The following PRRT4 variants were observed in gnomAD, a reference collection of about 807,000 sequenced individuals.
The protein encoded by PRRT4 is proline rich transmembrane protein 4.
Under a neutral mutation model 55.6 loss-of-function variants are expected in PRRT4, and 59 were observed. The ratio of observed to expected loss-of-function variants is 1.06; its 90% CI spans 0.86 to 1.32. PRRT4 has a LOEUF of 1.32. Among genes scored for constraint, PRRT4 ranks in the 40% most tolerant of loss-of-function variants. The pLI, the probability that PRRT4 is intolerant of heterozygous loss-of-function variation, is 0.00. For missense variants in PRRT4, 1,217 were observed against 1,222.0 expected, an observed-to-expected ratio of 1.00 and a Z score of 0.06; for synonymous variants, 606 against 601.8, an observed-to-expected ratio of 1.01 and a Z score of -0.10.
At chr7:128,352,319 G>T in exon 5 of PRRT4, 1 of 1,542,132 alleles carries the variant, frequency 6.5e-7, no homozygotes. Flanking sequence ...GGGAAGGCCC[G>T]CGTGGTCCCG....
Position 128,351,872 on chromosome 7 carries a change from G to A in PRRT4, c.1684C>T (p.Pro562Ser), listed in dbSNP as rs558279481. 1.4e-5 allele frequency: 18 copies of A among 1,333,314 alleles called. 1 individual carries two copies. In the South Asian group the frequency reaches 3.3e-4, roughly 24 times the overall value. The allele number at this position is 1,333,314 out of a possible 1,614,324, so 82.6% of individuals were successfully genotyped here. Residue 562 changes from proline (P) to serine (S), a missense_variant, in exon 5 of 5, where the codon CCG becomes TCG. Transcript: ENST00000535159. Reference sequence around the variant, plus strand: ...AGCAGCCCGAAGGTGCCCGCCACCGGGGCCGTGCGCGCCGCGCGCCGCCAG... The same window carrying A: ...AGCAGCCCGAAGGTGCCCGCCACCGAGGCCGTGCGCGCCGCGCGCCGCCAG...
exon 2 of PRRT4, chr7:128,359,490 C>A: frequency 6.8e-7 from 1 of 1,464,042 alleles, no homozygotes. Flanking sequence ...GGCCTGGGAG[C>A]ACTGGATGGA....
intron 4 of PRRT4, among the ~76,000 whole-genome samples, chr7:128,354,551 G>A (rs1584682756): frequency 1.4e-5 from 2 of 145,418 alleles, no homozygotes; most frequent in African/African-American, 5.1e-5. Flanking sequence ...GTGACAGAGC[G>A]AGACTCTGGC....
intron 1 of PRRT4, 91 bp from the exon 3 acceptor site, chr7:128,360,154 C>A: frequency 2.0e-6 from 1 of 504,070 alleles, no homozygotes. Flanking sequence ...CTTCTGATCT[C>A]AGAGAAGCAG....
Position 128,351,432 on chromosome 7 carries a change from C to T in PRRT4, c.2124G>A (p.Pro708=), listed in dbSNP as rs1160142234. 7.9e-6 allele frequency: 12 copies of T among 1,525,944 alleles called. No individual in the cohort carries two copies. The Admixed American group carries it at 2.0e-4, about 26-fold the overall frequency. 94.5% of individuals were successfully genotyped at this position (1,525,944 alleles called of 1,614,324 possible). Residue 708 remains proline, a synonymous_variant, in exon 5 of 5, where the codon CCG becomes CCA. Transcript: ENST00000535159. ...TGTAATCGCTGCAGGGAGAGGAAGC[C>T]GGGGACGGGGCCGGGTTGGCCGCCG...
At chr7:128,350,920 T>G in exon 5 of PRRT4, 2 of 1,550,844 alleles carry the variant, frequency 1.3e-6, no homozygotes, top group South Asian at 1.2e-5. Flanking sequence ...GTCCAGGAAC[T>G]GCTCCTGCAG....
exon 2 of PRRT4, chr7:128,359,676 A>C: frequency 6.4e-7 from 1 of 1,551,266 alleles, no homozygotes; most frequent in Non-Finnish European, 8.7e-7. Flanking sequence ...GAGTTCCCTG[A>C]GGAGCCCACC....
exon 2 of PRRT4, chr7:128,359,474 T>G: frequency 6.8e-7 from 1 of 1,462,654 alleles, no homozygotes; most frequent in Non-Finnish European, 9.0e-7. Flanking sequence ...CAGCTCGCTC[T>G]GGTGGGGCCT....
In PRRT4 at chr7:128,359,671, C is replaced by A. The variant is rs1368669332; in HGVS notation, c.321G>T (p.Gly107=). The A allele has an allele frequency of 3.2e-6, 5 of 1,550,986 alleles. No individual in the cohort carries two copies. In the East Asian group the frequency reaches 1.2e-4, roughly 38 times the overall value. The change falls in exon 2 of 5, where the codon GGG becomes GGT. Residue 107 remains glycine (G), a synonymous_variant. Transcript: ENST00000535159. ...TGGAGCCCCACTCAGTGAGAGAGTT[C>A]CCTGAGGAGCCCACCAGCAATTCCC...
At chr7:128,351,472 C>T (rs959190965) in exon 5 of PRRT4, 4 of 1,520,412 alleles carry the variant, frequency 2.6e-6, no homozygotes, top group Admixed American at 2.0e-5. Flanking sequence ...TTCGAAGCCC[C>T]GGCAACCTCC....
chr7:128,354,021 A>G (rs1584682035), intron 4 of PRRT4, among the ~76,000 whole-genome samples: 1 of 152,190 alleles, frequency 6.6e-6, no homozygotes. Context: ...ATCTGCCCTC[A>G]CCTACAGATT....
intron 3 of PRRT4, 147 bp downstream of exon 4, chr7:128,359,002 C>A: frequency 1.7e-6 from 2 of 1,155,478 alleles, no homozygotes; most frequent in Non-Finnish European, 2.5e-6. Context: ...AGAGAATACT[C>A]CTTCCGTGGA....
At chr7:128,360,114 T>C in intron 1 of PRRT4, 51 bp from the exon 3 acceptor site, 1 of 766,834 alleles carries the variant, frequency 1.3e-6, no homozygotes, top group Non-Finnish European at 1.8e-6. Flanking sequence ...CCCTCTTCCC[T>C]TTCCCAGGAT....
At chr7:128,356,532 C>T (rs1336427319) in intron 4 of PRRT4, among the ~76,000 whole-genome samples, 1 of 152,238 alleles carries the variant, frequency 6.6e-6, no homozygotes, top group African/African-American at 2.4e-5. Context: ...CAGAAGAGTC[C>T]AGAAGATAGT....
chr7:128,353,675 G>A (rs944969645), intron 4 of PRRT4, among the ~76,000 whole-genome samples: 2 of 152,084 alleles, frequency 1.3e-5, no homozygotes, highest in Non-Finnish European at 2.9e-5. Flanking sequence ...CACACTGTAC[G>A]GAAGGTGACA....
exon 2 of PRRT4, chr7:128,360,061 G>A: frequency 4.9e-6 from 6 of 1,233,070 alleles, no homozygotes; most frequent in African/African-American, 3.1e-5. Flanking sequence ...GAGGAGGAAG[G>A]TCCTGGAGAG....
chr7:128,359,113 G>A, intron 3 of PRRT4, 36 bp downstream of exon 4: 1 of 1,539,514 alleles, frequency 6.5e-7, no homozygotes, highest in Non-Finnish European at 8.8e-7. Context: ...CACGTAGAGT[G>A]TTCCACAATA....
At chr7:128,351,867 C>T in exon 5 of PRRT4, 8 of 1,334,864 alleles carry the variant, frequency 6.0e-6, no homozygotes, top group Non-Finnish European at 7.6e-6. Flanking sequence ...AGGTGCCCGC[C>T]ACCGGGGCCG....
At chr7:128,351,187 G>C in exon 5 of PRRT4, 1 of 1,542,822 alleles carries the variant, frequency 6.5e-7, no homozygotes, top group Non-Finnish European at 8.7e-7. Context: ...CCCAGGGGAG[G>C]GGAGCTCCGG....
Sources: allele counts gnomAD v4.1 joint callset (sites outside exome capture counted in the v4.1 genomes callset), GRCh38; gene constraint gnomAD v4.1.1; transcripts MANE v1.5; gene names NCBI Gene and HGNC (gene_info 2026-07-23, HGNC 2026-07-21).